RBM27: variants seen among roughly 807,000 people sequenced by gnomAD.
RBM27 encodes RNA binding motif protein 27.
In RBM27, 22 loss-of-function variants were observed where a neutral mutation model predicts 135.3. The observed-to-expected ratio is 0.16, with a 90% CI of 0.12 to 0.23. The LOEUF is 0.23. RBM27 is among the 10% of genes least tolerant of loss of function. RBM27 has a pLI of 1.00. For synonymous variants in RBM27, 481 were observed against 442.4 expected (o/e 1.09, Z -1.10); for missense variants, 1,009 against 1,281.0 (o/e 0.79, Z 3.24).
chr5:146,259,748 T>C (rs1043273439), intron 11 of RBM27, among the ~76,000 whole-genome samples: 1 of 144,622 alleles, frequency 6.9e-6, no homozygotes, highest in South Asian at 2.2e-4. Context: ...CCAAGGCGGG[T>C]GGATCATGAG....
chr5:146,272,082 A>T (rs546453052), intron 19 of RBM27, among the ~76,000 whole-genome samples: 1 of 152,358 alleles, frequency 6.6e-6, no homozygotes, highest in African/African-American at 2.4e-5. Flanking sequence ...ATGCAAATAG[A>T]GATTTGCTAC....
chr5:146,233,758 G>T lies in RBM27; in HGVS notation c.1144+15G>T. ...TCCCATACCAAGTAAGTATATATTT[G>T]TTGAATTTTTCTCTAGCGTTCTGTT... is the stretch of plus-strand genomic sequence containing the variant. On this transcript the variant is annotated intron_variant, in intron 7 of 20. Transcript: ENST00000265271. 7.3e-7 allele frequency: 1 copy of T among 1,364,120 alleles called. No homozygotes were observed. Among genetic ancestry groups the T allele is most frequent in the African/African-American group, 1.5e-5 (1 of 67,820 alleles). 84.5% of individuals were successfully genotyped at this position (1,364,120 alleles called of 1,614,324 possible). A position where few individuals can be genotyped will look rare whatever the true frequency, so the allele number is the denominator to read the frequency against.
At chr5:146,220,462 G>T (rs1756399416) in intron 2 of RBM27, among the ~76,000 whole-genome samples, 1 of 117,160 alleles carries the variant, frequency 8.5e-6, no homozygotes. Context: ...GCGACTGAGC[G>T]AGAGTCCATC....
chr5:146,216,049 G>A (rs1198605334), intron 1 of RBM27, among the ~76,000 whole-genome samples: 1 of 152,026 alleles, frequency 6.6e-6, no homozygotes, highest in African/African-American at 2.4e-5. Flanking sequence ...CGCCCAGCTG[G>A]CATGTGTAAT....
chr5:146,211,093 C>T (rs989710765), intron 1 of RBM27, among the ~76,000 whole-genome samples: 7 of 151,648 alleles, frequency 4.6e-5, no homozygotes, highest in African/African-American at 1.2e-4. Context: ...GACAATGGGG[C>T]GAAACTCTGC....
At chr5:146,225,819 C>T (rs943475434) in intron 3 of RBM27, among the ~76,000 whole-genome samples, 2 of 151,616 alleles carry the variant, frequency 1.3e-5, no homozygotes, top group Non-Finnish European at 2.9e-5. Flanking sequence ...CCACCTTGGC[C>T]TTCCAAAGTG....
intron 6 of RBM27, among the ~76,000 whole-genome samples, chr5:146,231,825 G>A (rs1469499555): frequency 2.6e-5 from 4 of 151,892 alleles, no homozygotes; most frequent in Non-Finnish European, 4.4e-5. Context: ...ATGTTGGTCA[G>A]GCTTGTCTGG....
chr5:146,207,581 G>T (rs1755744111), intron 1 of RBM27, among the ~76,000 whole-genome samples: 1 of 150,866 alleles, frequency 6.6e-6, no homozygotes, highest in Admixed American at 6.6e-5. Flanking sequence ...ATTTATGAAA[G>T]CTTCCAATTC....
intron 8 of RBM27, among the ~76,000 whole-genome samples, chr5:146,249,775 T>C (rs1371660837): frequency 6.6e-6 from 1 of 152,122 alleles, no homozygotes; most frequent in Non-Finnish European, 1.5e-5. Flanking sequence ...GCTGATTCTT[T>C]TTAAATGTAC....
intron 19 of RBM27, among the ~76,000 whole-genome samples, chr5:146,280,462 A>G (rs1759289639): frequency 6.6e-6 from 1 of 152,218 alleles, no homozygotes. Context: ...TGAGAAGGCA[A>G]ACACCTAATA....
In RBM27 at chr5:146,229,838, A is replaced by G; in HGVS notation, c.517A>G (p.Ser173Gly). The change falls in exon 5 of 21, where the codon AGT (serine) becomes GGT (glycine). Residue 173 changes from serine (S) to glycine (G), a missense_variant. By Grantham distance (56) the Ser-to-Gly change is moderately conservative. This residue lies in a region of RBM27 where 268 missense variants were observed against 326.6 expected (regional missense o/e 0.82). Transcript: ENST00000265271. ...AGGCAGGAGTAAGAGTCGGAGTAAG[A>G]GTCGAGGCCTGAGTCGCAGTAGAAG... Reference protein sequence around the residue: ...RRGRSKSRSKSRGLSRSRSRS... With the variant: ...RRGRSKSRSKGRGLSRSRSRS... 1 of 1,614,030 alleles carries G rather than the reference A, an allele frequency of 6.2e-7. No homozygotes were observed. The highest frequency in any genetic ancestry group is 8.5e-7 in the Non-Finnish European group (1 of 1,179,970).
At chr5:146,244,809 T>G (rs1211819424) in intron 8 of RBM27, among the ~76,000 whole-genome samples, 1 of 152,198 alleles carries the variant, frequency 6.6e-6, no homozygotes, top group Non-Finnish European at 1.5e-5. Context: ...CCCAAAGTGC[T>G]GGGATTACAG....
chr5:146,207,360 C>T (rs951365723), intron 1 of RBM27, among the ~76,000 whole-genome samples: 21 of 150,354 alleles, frequency 1.4e-4, no homozygotes, highest in African/African-American at 4.6e-4. Context: ...ATTACAGGCG[C>T]CCGCCACCAT....
At chr5:146,267,624 CT>C (rs55635431) in intron 14 of RBM27, 24 bp from the exon 15 acceptor site, 80,728 of 1,025,606 alleles carry the variant, frequency 0.079, 1,047 homozygotes, top group South Asian at 0.093. Context: ...TTTGTGTGTG[CT>C]TTTTTTTTTT....
chr5:146,280,280 C>A (rs1488256512), intron 19 of RBM27, among the ~76,000 whole-genome samples: 1 of 152,080 alleles, frequency 6.6e-6, no homozygotes, highest in Non-Finnish European at 1.5e-5. Context: ...TGGTCTCAAA[C>A]TCCTGAACTC....
chr5:146,257,006 A>T (rs1360304693), intron 10 of RBM27, among the ~76,000 whole-genome samples: 1 of 152,250 alleles, frequency 6.6e-6, no homozygotes, highest in Non-Finnish European at 1.5e-5. Context: ...CGCAGTTGCT[A>T]TCTTCTTCAT....
In RBM27 at chr5:146,223,385, G is replaced by C; in HGVS notation, c.179-18G>C. 1 of 1,570,642 alleles carries C rather than the reference G, an allele frequency of 6.4e-7. No homozygotes were observed. Among genetic ancestry groups the C allele is most frequent in the Non-Finnish European group, 8.6e-7 (1 of 1,167,036 alleles). On this transcript the variant is annotated intron_variant, in intron 2 of 20. Transcript: ENST00000265271. ...TTTTTTGTTTGCGCAATATGTAAATGTTATTTCTTCTCCTTAGAAACTTCA... is the reference window on the plus strand; with the variant it reads ...TTTTTTGTTTGCGCAATATGTAAATCTTATTTCTTCTCCTTAGAAACTTCA...
Position 146,261,490 on chromosome 5 carries a change from ATTG to A in RBM27, c.1894-17_1894-15del. 1 of 1,591,010 alleles carries A rather than the reference ATTG, an allele frequency of 6.3e-7. No homozygotes were observed. ...CTATTTTCTGTTTTTGGGAATTTAT[ATTG>A]TTTTATTTTCTTCAAGGTTGCTTTT... On this transcript the variant is annotated splice_polypyrimidine_tract_variant and intron_variant, in intron 12 of 20. Coordinates refer to ENST00000265271, the MANE Select transcript of RBM27 (RefSeq NM_018989.2).
intron 8 of RBM27, among the ~76,000 whole-genome samples, chr5:146,249,709 T>TG (rs1757798655): frequency 7.1e-6 from 1 of 140,062 alleles, no homozygotes; most frequent in Non-Finnish European, 1.5e-5. Context: ...AAAGAAAAAG[T>TG]AAAAAAAAAA....
Sources: gnomAD v4.1 joint callset for allele counts (sites outside exome capture counted in the v4.1 genomes callset) on GRCh38, gnomAD v4.1.1 for gene constraint, gnomAD v4.1.1 regional missense constraint, MANE v1.5 for transcripts, NCBI Gene and HGNC (gene_info 2026-07-23, HGNC 2026-07-21) for gene names.